The following NCOA2 variants were observed in gnomAD, a reference collection of about 807,000 sequenced individuals.
NCOA2 encodes nuclear receptor coactivator 2, also known as class E basic helix-loop-helix protein 75.
A neutral mutation model predicts 145.1 loss-of-function variants in NCOA2; 21 were observed. That is an observed-to-expected ratio of 0.14 (90% CI 0.10 to 0.21). The LOEUF is 0.21. NCOA2 is among the 10% of genes least tolerant of loss of function. NCOA2 has a pLI of 1.00. For synonymous variants in NCOA2, 619 were observed against 637.5 expected (o/e 0.97, Z 0.44); for missense variants, 1,472 against 1,837.6 (o/e 0.80, Z 3.64).
chr8:70,254,810 T>C (rs2134853898), intron 2 of NCOA2, among the ~76,000 whole-genome samples: 1 of 152,300 alleles, frequency 6.6e-6, no homozygotes, highest in Non-Finnish European at 1.5e-5. Flanking sequence ...TATAACAGTG[T>C]GAATACACTT....
intron 10 of NCOA2, among the ~76,000 whole-genome samples, chr8:70,157,477 G>A (rs959883511): frequency 6.6e-6 from 1 of 152,144 alleles, no homozygotes; most frequent in Non-Finnish European, 1.5e-5. Context: ...TACAGAGGGG[G>A]TGTGTTTAAA....
At chr8:70,170,124 C>G (rs1814075286) in intron 6 of NCOA2, 78 bp downstream of exon 6, 1 of 1,367,476 alleles carries the variant, frequency 7.3e-7, no homozygotes, top group African/African-American at 1.5e-5. Context: ...TGATCCACTT[C>G]AACCAAGACA....
chr8:70,134,387 T>G (rs1338421865), intron 15 of NCOA2, among the ~76,000 whole-genome samples: 1 of 152,176 alleles, frequency 6.6e-6, no homozygotes, highest in Non-Finnish European at 1.5e-5. Flanking sequence ...ATTTACCAAA[T>G]TCTCCTAGGC....
intron 4 of NCOA2, among the ~76,000 whole-genome samples, chr8:70,193,704 A>T (rs1035052182): frequency 1.3e-5 from 2 of 152,244 alleles, no homozygotes; most frequent in African/African-American, 4.8e-5. Context: ...CAGATGTAAC[A>T]AAATGAATAC....
chr8:70,388,132 T>C lies in NCOA2; in HGVS notation c.-77+15568A>G, dbSNP rs548870280. ...TGGTATATAATGCAGCAATAGTAAA[T>C]AGAACTCCCTGATTCAGAACTCAAG... On this transcript the variant is annotated intron_variant, in intron 1 of 22. Transcript: ENST00000452400. Among the ~76,000 whole-genome samples the C allele has an allele frequency of 8.4e-4, 127 of 150,996 alleles. 1 individual carries two copies. The highest frequency in any genetic ancestry group is 3.0e-3 in the African/African-American group (123 of 40,370).
intron 1 of NCOA2, among the ~76,000 whole-genome samples, chr8:70,330,486 G>A (rs1806997166): frequency 1.3e-5 from 2 of 151,270 alleles, no homozygotes; most frequent in African/African-American, 4.9e-5. Flanking sequence ...TGGAAAGATT[G>A]TTGGAGCCCA....
intron 1 of NCOA2, among the ~76,000 whole-genome samples, chr8:70,307,220 C>CAAAAAAAAAAAA (rs57161747): frequency 1.3e-3 from 90 of 71,396 alleles, no homozygotes; most frequent in East Asian, 2.2e-3. Context: ...CCTACATAAG[C>CAAAAAAAAAAAA]AAAAAAAAAA....
At chr8:70,351,814 C>T (rs1809272625) in intron 1 of NCOA2, among the ~76,000 whole-genome samples, 1 of 147,192 alleles carries the variant, frequency 6.8e-6, no homozygotes, top group South Asian at 2.2e-4. Context: ...AGGCTGTTCT[C>T]AAACTCCTGG....
intron 2 of NCOA2, among the ~76,000 whole-genome samples, chr8:70,285,673 C>G (rs774013294): frequency 7.9e-5 from 12 of 152,170 alleles, no homozygotes; most frequent in Admixed American, 1.3e-4. Flanking sequence ...CTTACTACAC[C>G]GTAAGATGTG....
At chr8:70,314,002 C>A in intron 1 of NCOA2, among the ~76,000 whole-genome samples, 1 of 151,072 alleles carries the variant, frequency 6.6e-6, no homozygotes, top group Admixed American at 6.6e-5. Context: ...CCCATCCCTA[C>A]TAAAAAATAT....
chr8:70,153,531 G>A (rs1811973936), intron 11 of NCOA2, among the ~76,000 whole-genome samples: 1 of 152,098 alleles, frequency 6.6e-6, no homozygotes, highest in South Asian at 2.1e-4. Flanking sequence ...CCTCAGATCA[G>A]GCCTAGGATA....
intron 2 of NCOA2, among the ~76,000 whole-genome samples, chr8:70,224,154 A>C (rs1456968628): frequency 2.0e-5 from 3 of 152,212 alleles, no homozygotes; most frequent in Non-Finnish European, 2.9e-5. Flanking sequence ...TGCAGAAAAG[A>C]TGTCATGCTC....
At chr8:70,199,471 A>G (rs1278575453) in intron 4 of NCOA2, among the ~76,000 whole-genome samples, 2 of 148,832 alleles carry the variant, frequency 1.3e-5, no homozygotes, top group African/African-American at 4.9e-5. Context: ...AAAAAAAAAA[A>G]GTAGAGAGGG....
At chr8:70,316,148 T>A (rs925741081) in intron 1 of NCOA2, among the ~76,000 whole-genome samples, 5 of 152,212 alleles carry the variant, frequency 3.3e-5, no homozygotes, top group African/African-American at 1.2e-4. Flanking sequence ...ACAGAGGGTA[T>A]GCCTAGATGA....
At chr8:70,324,209 T>C (rs1806347468) in intron 1 of NCOA2, among the ~76,000 whole-genome samples, 1 of 152,212 alleles carries the variant, frequency 6.6e-6, no homozygotes, top group South Asian at 2.1e-4. Context: ...CTAAAGTATA[T>C]GGAGACATCT....
intron 2 of NCOA2, among the ~76,000 whole-genome samples, chr8:70,257,204 T>G (rs1823707152): frequency 6.6e-6 from 1 of 152,204 alleles, no homozygotes; most frequent in Non-Finnish European, 1.5e-5. Flanking sequence ...CTTCTGATGC[T>G]GCTATAAATA....
chr8:70,212,410 T>C (rs1384393707), intron 4 of NCOA2, among the ~76,000 whole-genome samples: 3 of 152,146 alleles, frequency 2.0e-5, no homozygotes, highest in African/African-American at 4.8e-5. Context: ...TGAAGGGGAC[T>C]GAAATGGGCA....
intron 1 of NCOA2, among the ~76,000 whole-genome samples, chr8:70,350,345 C>T (rs781689755): frequency 6.6e-5 from 10 of 152,142 alleles, no homozygotes; most frequent in African/African-American, 1.4e-4. Flanking sequence ...CATGAGTTCA[C>T]TCAGTTTTTT....
chr8:70,399,348 G>T (rs977868277), intron 1 of NCOA2, among the ~76,000 whole-genome samples: 2 of 152,182 alleles, frequency 1.3e-5, no homozygotes, highest in Non-Finnish European at 2.9e-5. Flanking sequence ...GCATAGAGAG[G>T]TAAAATTAGC....
Sources: allele counts gnomAD v4.1 joint callset (sites outside exome capture counted in the v4.1 genomes callset), GRCh38; gene constraint gnomAD v4.1.1; transcripts MANE v1.5; gene names NCBI Gene and HGNC (gene_info 2026-07-23, HGNC 2026-07-21).